HECTD2: variants seen among roughly 807,000 people sequenced by gnomAD.
HECTD2 encodes the protein probable E3 ubiquitin-protein ligase HECTD2.
Under a neutral mutation model 103.2 loss-of-function variants are expected in HECTD2, and 35 were observed. The observed-to-expected ratio is 0.34, with a 90% CI of 0.26 to 0.45. The LOEUF (loss-of-function observed/expected upper bound fraction) is 0.45, where lower values mean the gene tolerates loss of function less well. Ranked by LOEUF, HECTD2 falls within the 20% of genes least tolerant of loss-of-function variation. The pLI is 1.00. For synonymous variants in HECTD2, 281 were observed against 329.9 expected (o/e 0.85, Z 1.61); for missense variants, 596 against 937.4 (o/e 0.64, Z 4.76).
chr10:91,507,979 C>A (rs1163879756), intron 20 of HECTD2, among the ~76,000 whole-genome samples: 1 of 137,958 alleles, frequency 7.2e-6, no homozygotes, highest in African/African-American at 3.5e-5. Context: ...ATATGTACAA[C>A]TATCTGATCT....
Position 91,499,049 on chromosome 10 carries a change from G to A in HECTD2, c.1849G>A (p.Val617Ile). 1 of 1,606,142 alleles carries A rather than the reference G, an allele frequency of 6.2e-7. No homozygotes were observed. Among genetic ancestry groups the A allele is most frequent in the Non-Finnish European group, 8.5e-7 (1 of 1,173,578 alleles). Residue 617 changes from valine to isoleucine, a missense_variant, in exon 18 of 21, where the codon GTA (valine) becomes ATA (isoleucine). Physicochemically the swap from Val to Ile is conservative, Grantham distance 29. This residue lies in a region of HECTD2 where 303 missense variants were observed against 522.5 expected (regional missense o/e 0.58). Transcript: ENST00000298068. Reference sequence around the variant, plus strand: ...GATGTAAAATTGCTTTTCAGAATATGTACAGCTTTATACTGACTTCCTTCT... The same window carrying A: ...GATGTAAAATTGCTTTTCAGAATATATACAGCTTTATACTGACTTCCTTCT... ...SVTNQNRKEYVQLYTDFLLNK... is the reference protein window; with the variant it reads ...SVTNQNRKEYIQLYTDFLLNK...
intron 1 of HECTD2, among the ~76,000 whole-genome samples, chr10:91,418,946 A>G (rs376513254): frequency 1.6e-4 from 25 of 152,294 alleles, no homozygotes; most frequent in African/African-American, 6.0e-4. Context: ...AGTAGTTTTT[A>G]TATGCATCAC....
chr10:91,490,890 CAAAAAAAAAAA>C (rs61035151), intron 11 of HECTD2, among the ~76,000 whole-genome samples: 57 of 13,604 alleles, frequency 4.2e-3, no homozygotes, highest in Non-Finnish European at 6.6e-3. Flanking sequence ...GACTCCGTCT[CAAAAAAAAAAA>C]AAAAAAAAAA....
At chr10:91,482,168 G>T (rs921504491) in intron 7 of HECTD2, among the ~76,000 whole-genome samples, 1 of 151,888 alleles carries the variant, frequency 6.6e-6, no homozygotes, top group Non-Finnish European at 1.5e-5. Flanking sequence ...GCCATTACCA[G>T]ATGAAGTTAT....
intron 14 of HECTD2, among the ~76,000 whole-genome samples, chr10:91,495,741 A>G (rs910686896): frequency 3.3e-5 from 5 of 152,104 alleles, no homozygotes; most frequent in South Asian, 4.1e-4. Context: ...TTATATCCAT[A>G]TGTTTATTCA....
At chr10:91,494,124 T>C (rs1277343799) in intron 14 of HECTD2, among the ~76,000 whole-genome samples, 1 of 151,900 alleles carries the variant, frequency 6.6e-6, no homozygotes, top group Non-Finnish European at 1.5e-5. Flanking sequence ...GCTTTTTAGA[T>C]TCCAAGAAAT....
At chr10:91,506,190 A>G (rs1371123776) in intron 20 of HECTD2, among the ~76,000 whole-genome samples, 1 of 150,376 alleles carries the variant, frequency 6.6e-6, no homozygotes, top group Non-Finnish European at 1.5e-5. Flanking sequence ...CAAAATTGAC[A>G]CCCTAACATC....
intron 9 of HECTD2, 134 bp downstream of exon 9, chr10:91,484,789 AT>A: frequency 1.5e-6 from 1 of 688,942 alleles, no homozygotes; most frequent in Non-Finnish European, 2.3e-6. Context: ...GTTGTAATTT[AT>A]TTTCTACTTT....
At chr10:91,510,794 G>A (rs1847391915) in intron 20 of HECTD2, among the ~76,000 whole-genome samples, 1 of 151,990 alleles carries the variant, frequency 6.6e-6, no homozygotes, top group African/African-American at 2.4e-5. Context: ...ATGTATGTCT[G>A]GTGCGTAAAA....
chr10:91,501,212 T>G lies in HECTD2; in HGVS notation c.2088T>G (p.Leu696=). The part of the protein sequence containing the change: ...LTIKYFWDVV[L]GFPLDLQKKL... ...CTAGATACTTTTGGGATGTTGTGCT[T>G]GGATTTCCTCTTGATCTTCAAAAGA... Residue 696 remains leucine, a synonymous_variant, in exon 20 of 21, where the codon CTT becomes CTG. Transcript: ENST00000298068. 2 of 1,610,666 alleles carry G rather than the reference T, an allele frequency of 1.2e-6. No homozygotes were observed. Among genetic ancestry groups the G allele is most frequent in the Non-Finnish European group, 1.7e-6 (2 of 1,178,190 alleles).
chr10:91,433,794 G>T (rs1407996017), intron 2 of HECTD2, among the ~76,000 whole-genome samples: 1 of 151,854 alleles, frequency 6.6e-6, no homozygotes, highest in Non-Finnish European at 1.5e-5. Flanking sequence ...TAGCATTCGT[G>T]GTGCATGTAG....
rs1847455890 is a variant in HECTD2, at chr10:91,512,324, G to A, written c.2271G>A (p.Lys757=). The A allele has an allele frequency of 6.2e-7, 1 of 1,613,566 alleles. No individual in the cohort carries two copies. The change falls in exon 21 of 21, where the codon AAG becomes AAA. Residue 757 remains lysine (K), a synonymous_variant. Transcript: ENST00000298068. ...QLCLPPYKSK[K]DLKQKLIIGI... is the part of the protein sequence containing the mutation. ...GCCTTCCCCCCTACAAGAGCAAAAA[G>A]GATCTGAAACAGAAATTGATCATTG...
intron 18 of HECTD2, among the ~76,000 whole-genome samples, chr10:91,499,839 T>C: frequency 6.6e-6 from 1 of 152,176 alleles, no homozygotes; most frequent in Non-Finnish European, 1.5e-5. Context: ...TAGAAGTTGC[T>C]TTGGGGCAAA....
Position 91,512,430 on chromosome 10 carries a change from C to T in HECTD2, c.*46C>T. 1.9e-6 allele frequency: 3 copies of T among 1,540,252 alleles called. No individual in the cohort carries two copies. The highest frequency in any genetic ancestry group is 2.7e-6 in the Non-Finnish European group (3 of 1,123,028). ...ATCTTTTATATGTAGCATTCACTTC[C>T]CTCTTACTGTGCCTTTAGCCTTTTC... is the stretch of plus-strand genomic sequence containing the variant. On this transcript the variant is annotated 3_prime_UTR_variant, in exon 21 of 21. Transcript: ENST00000298068.
intron 2 of HECTD2, among the ~76,000 whole-genome samples, chr10:91,434,876 G>C (rs1844050319): frequency 6.6e-6 from 1 of 151,868 alleles, no homozygotes; most frequent in African/African-American, 2.4e-5. Flanking sequence ...TGATAAAGAA[G>C]CTACCTTATG....
At chr10:91,422,901 T>C (rs921930080) in intron 1 of HECTD2, among the ~76,000 whole-genome samples, 1 of 152,180 alleles carries the variant, frequency 6.6e-6, no homozygotes. Flanking sequence ...TCTTTGAGAC[T>C]TCTTTTATTA....
chr10:91,449,237 G>T (rs1461694857), intron 2 of HECTD2, among the ~76,000 whole-genome samples: 2 of 152,132 alleles, frequency 1.3e-5, no homozygotes, highest in Non-Finnish European at 2.9e-5. Context: ...TGCAAGGCTG[G>T]TTCAACATAC....
At chr10:91,457,293 T>C (rs1244602238) in intron 2 of HECTD2, among the ~76,000 whole-genome samples, 1 of 152,032 alleles carries the variant, frequency 6.6e-6, no homozygotes, top group Non-Finnish European at 1.5e-5. Context: ...AGGGAACACT[T>C]CTTTTTTGTT....
In HECTD2 at chr10:91,503,583, G is replaced by A. The variant is rs547272278; in HGVS notation, c.2210+2249G>A. ...CGCTTTTCCGACGGGCTTAAAAAAC[G>A]GTGCACCACGAGATTATATCCCGCA... On this transcript the variant is annotated intron_variant, in intron 20 of 20. Coordinates refer to ENST00000298068, the MANE Select transcript of HECTD2 (RefSeq NM_182765.6). Among the ~76,000 whole-genome samples, 12 of 152,278 alleles carry A rather than the reference G, an allele frequency of 7.9e-5. No homozygotes were observed. The East Asian group carries it at 9.7e-4, about 12-fold the overall frequency.
Sources: allele counts gnomAD v4.1 joint callset (sites outside exome capture counted in the v4.1 genomes callset), GRCh38; gene constraint gnomAD v4.1.1; regional missense constraint gnomAD v4.1.1; transcripts MANE v1.5; gene names NCBI Gene and HGNC (gene_info 2026-07-23, HGNC 2026-07-21).